GRPEL1: variants seen among roughly 807,000 people sequenced by gnomAD.
GRPEL1 encodes grpE protein homolog 1, mitochondrial.
Under a neutral mutation model 22.1 loss-of-function variants are expected in GRPEL1, and 13 were observed. The observed-to-expected ratio is 0.59, with a 90% confidence interval of 0.38 to 0.94. The LOEUF is 0.94. Ranked by LOEUF, GRPEL1 falls within the 40% of genes least tolerant of loss-of-function variation. The probability of loss-of-function intolerance (pLI) is 0.00; values close to 1 mark genes in which losing one functional copy is unlikely to be tolerated. For synonymous variants in GRPEL1, 109 were observed against 105.3 expected (o/e 1.03, Z -0.21); for missense variants, 289 against 264.6 (o/e 1.09, Z -0.64).
chr4:7,065,655 G>T (rs1724149282), intron 1 of GRPEL1, among the ~76,000 whole-genome samples: 1 of 152,168 alleles, frequency 6.6e-6, no homozygotes, highest in South Asian at 2.1e-4. Context: ...TTACGAAAAA[G>T]GGATCAGAGG....
intron 1 of GRPEL1, among the ~76,000 whole-genome samples, chr4:7,065,749 C>A (rs189665099): frequency 6.6e-6 from 1 of 151,984 alleles, no homozygotes. Context: ...GGATATGTAC[C>A]GGTGAAATAG....
In GRPEL1 at chr4:7,059,817, T is replaced by A. The variant is rs1027743638; in HGVS notation, c.*1045A>T. On this transcript the variant is annotated 3_prime_UTR_variant, in exon 4 of 4. Transcript: ENST00000264954. ...TGGCAAGATGATTTTGCAAATCCTG[T>A]GCCCTTGCTGTGGCTCCTGGGTGTT... 2.0e-5 allele frequency: 3 copies of A among 152,284 alleles called. No homozygotes were observed. Among genetic ancestry groups the A allele is most frequent in the Admixed American group, 1.3e-4 (2 of 15,286 alleles). 9.4% of individuals were successfully genotyped at this position (152,284 alleles called of 1,614,324 possible). A position where few individuals can be genotyped will look rare whatever the true frequency, so the allele number is the denominator to read the frequency against.
At chr4:7,065,280 CAAAGCA>C (rs1324189288) in intron 1 of GRPEL1, among the ~76,000 whole-genome samples, 1 of 152,174 alleles carries the variant, frequency 6.6e-6, no homozygotes, top group Non-Finnish European at 1.5e-5. Flanking sequence ...TTAGGGAGGC[CAAAGCA>C]GGTGGATCAC....
Position 7,064,068 on chromosome 4 carries a change from T to C in GRPEL1, c.218A>G (p.Glu73Gly), listed in dbSNP as rs975881524. The change falls in exon 2 of 4, where the codon GAG becomes GGG. Residue 73 changes from glutamate to glycine, a missense_variant. Coordinates refer to ENST00000264954, the MANE Select transcript of GRPEL1 (RefSeq NM_025196.4). ...GAGCCTCACAGTCCTCACCACAGTCTCCTTCAGCTGTTCCTCCAACTTGAC... is the reference window on the plus strand; with the variant it reads ...GAGCCTCACAGTCCTCACCACAGTCCCCTTCAGCTGTTCCTCCAACTTGAC... Reference protein sequence around the residue: ...EKVKLEEQLKETVEKYKRALA... With the variant: ...EKVKLEEQLKGTVEKYKRALA... 1 of 1,613,910 alleles carries C rather than the reference T, an allele frequency of 6.2e-7. No homozygotes were observed. Among genetic ancestry groups the C allele is most frequent in the African/African-American group, 1.3e-5 (1 of 74,926 alleles).
intron 2 of GRPEL1, among the ~76,000 whole-genome samples, 161 bp from the exon 3 acceptor site, chr4:7,062,627 T>C: frequency 6.6e-6 from 1 of 151,898 alleles, no homozygotes; most frequent in Non-Finnish European, 1.5e-5. Flanking sequence ...TTCTCCTGCC[T>C]CAGCCTCCCG....
At position 7,059,914 on chromosome 4, in the gene GRPEL1, A is replaced by G. The variant is rs1723996863; in HGVS notation, c.*948T>C. The G allele has an allele frequency of 6.6e-6, 1 of 152,162 alleles. No individual in the cohort carries two copies. The highest frequency in any genetic ancestry group is 6.5e-5 in the Admixed American group (1 of 15,280). The allele number at this position is 152,162 out of a possible 1,614,324, so 9.4% of individuals were successfully genotyped here. A position where few individuals can be genotyped will look rare whatever the true frequency, so the allele number is the denominator to read the frequency against. Reference sequence around the variant, plus strand: ...TCTCCCTTTCTGTGTAGAAGCCTGTATATGTGTGTACGTGAATGTGCACGC... The same window carrying G: ...TCTCCCTTTCTGTGTAGAAGCCTGTGTATGTGTGTACGTGAATGTGCACGC... On this transcript the variant is annotated 3_prime_UTR_variant, in exon 4 of 4. Coordinates refer to ENST00000264954, the MANE Select transcript of GRPEL1 (RefSeq NM_025196.4).
At chr4:7,061,292 G>A in intron 3 of GRPEL1, 84 bp from the exon 4 acceptor site, 1 of 1,050,438 alleles carries the variant, frequency 9.5e-7, no homozygotes, top group South Asian at 1.6e-5. Context: ...ACCTGATGTG[G>A]AGGCTATTTA....
chr4:7,063,834 A>G (rs542162790), intron 2 of GRPEL1, among the ~76,000 whole-genome samples: 3 of 152,364 alleles, frequency 2.0e-5, no homozygotes, highest in Non-Finnish European at 4.4e-5. Flanking sequence ...ATTCAATGAC[A>G]AATAACAGCG....
Position 7,060,810 on chromosome 4 carries a change from C to A in GRPEL1, c.*52G>T. ...TCATAGATGAGAAACAATGAACCAG[C>A]CTTGAGAGTTACATCAAGTGAGTTT... On this transcript the variant is annotated 3_prime_UTR_variant, in exon 4 of 4. Transcript: ENST00000264954. 1 of 1,454,834 alleles carries A rather than the reference C, an allele frequency of 6.9e-7. No individual in the cohort carries two copies. Among genetic ancestry groups the A allele is most frequent in the Non-Finnish European group, 9.4e-7 (1 of 1,060,192 alleles). 90.1% of individuals were successfully genotyped at this position (1,454,834 alleles called of 1,614,324 possible).
At chr4:7,067,393 G>A (rs1261755739) in intron 1 of GRPEL1, 1 of 153,894 alleles carries the variant, frequency 6.5e-6, no homozygotes, top group Non-Finnish European at 1.5e-5. Context: ...GCGGAGTGAA[G>A]GAATTCGAGG....
chr4:7,067,802 G>A (rs530191414), intron 1 of GRPEL1, among the ~76,000 whole-genome samples, 169 bp downstream of exon 1: 1 of 152,232 alleles, frequency 6.6e-6, no homozygotes, highest in Admixed American at 6.5e-5. Flanking sequence ...CCTGGCAGCA[G>A]AGCAGGCCCC....
chr4:7,062,509 TATATA>T (rs748279871), intron 2 of GRPEL1, 43 bp from the exon 3 acceptor site: 7,391 of 448,870 alleles, frequency 0.016, 24 homozygotes, highest in East Asian at 0.02. Context: ...TATATATATA[TATATA>T]TCTTTTTTTT....
At chr4:7,064,538 T>C (rs1271949039) in intron 1 of GRPEL1, among the ~76,000 whole-genome samples, 1 of 152,180 alleles carries the variant, frequency 6.6e-6, no homozygotes, top group African/African-American at 2.4e-5. Flanking sequence ...TATATGTATT[T>C]CTTTTTTTTT....
rs749540530 is a variant in GRPEL1 at position 7,064,065 on chromosome 4, G to A, written c.221C>T (p.Thr74Ile). The change falls in exon 2 of 4, where the codon ACT (threonine) becomes ATT (isoleucine). Residue 74 changes from threonine (T) to isoleucine (I), a missense_variant. By Grantham distance (89) the Thr-to-Ile change is moderately conservative (BLOSUM62 -1). Transcript: ENST00000264954. ...KVKLEEQLKE[T>I]VEKYKRALAD... ...CAGGAGCCTCACAGTCCTCACCACA[G>A]TCTCCTTCAGCTGTTCCTCCAACTT... 1 of 1,613,984 alleles carries A rather than the reference G, an allele frequency of 6.2e-7. No individual in the cohort carries two copies. Among genetic ancestry groups the A allele is most frequent in the East Asian group, 2.2e-5 (1 of 44,880 alleles).
intron 1 of GRPEL1, 89 bp downstream of exon 1, chr4:7,067,882 G>A (rs1196788960): frequency 1.4e-5 from 19 of 1,393,038 alleles, no homozygotes; most frequent in Non-Finnish European, 1.0e-6. Flanking sequence ...GGCCGAGGCC[G>A]GGAAGGAGGC....
chr4:7,064,038 C>T (rs80292372), intron 2 of GRPEL1, 23 bp downstream of exon 2: 1 of 1,608,398 alleles, frequency 6.2e-7, no homozygotes, highest in South Asian at 1.1e-5. Context: ...AGCCCGCCCC[C>T]ACAGGAGCCT....
Position 7,060,954 on chromosome 4 carries a change from G to A in GRPEL1, c.562C>T (p.Pro188Ser), listed in dbSNP as rs764114428. The A allele has an allele frequency of 5.6e-6, 9 of 1,614,062 alleles. No homozygotes were observed. The South Asian group carries it at 9.9e-5, about 18-fold the overall frequency. The change falls in exon 4 of 4, where the codon CCA becomes TCA. Residue 188 changes from proline to serine, a missense_variant. Transcript: ENST00000264954. Reference sequence around the variant, plus strand: ...TTGCTAACTAGGGCCACTGTGCCTGGCTCCTTCCCCTCAACCGGTGTGTGG... The same window carrying A: ...TTGCTAACTAGGGCCACTGTGCCTGACTCCTTCCCCTCAACCGGTGTGTGG... ...LFHTPVEGKE[P>S]GTVALVSKVG... is the part of the protein sequence containing the mutation.
chr4:7,067,172 T>G (rs1231788475), intron 1 of GRPEL1, among the ~76,000 whole-genome samples: 1 of 152,180 alleles, frequency 6.6e-6, no homozygotes, highest in African/African-American at 2.4e-5. Context: ...AATCAATAAC[T>G]TGGTTCTAGG....
At chr4:7,064,000 G>A (rs1452176893) in intron 2 of GRPEL1, 61 bp downstream of exon 2, 16 of 1,523,300 alleles carry the variant, frequency 1.1e-5, no homozygotes, top group Non-Finnish European at 1.4e-5. Flanking sequence ...GAACCTTTAT[G>A]TGGCCCAGGA....
Sources: allele counts gnomAD v4.1 joint callset (sites outside exome capture counted in the v4.1 genomes callset), GRCh38; gene constraint gnomAD v4.1.1; transcripts MANE v1.5; gene names NCBI Gene and HGNC (gene_info 2026-07-23, HGNC 2026-07-21).